The following PRKAG2 variants were observed in gnomAD, a reference collection of about 807,000 sequenced individuals.
The protein encoded by PRKAG2 is protein kinase AMP-activated non-catalytic subunit gamma 2, also known as 5'-AMP-activated protein kinase subunit gamma-2.
PRKAG2 carries 26 observed loss-of-function variants against 69.6 expected under a neutral mutation model. That is an observed-to-expected ratio of 0.37 (90% CI 0.27 to 0.52). The LOEUF (loss-of-function observed/expected upper bound fraction) is 0.52, where lower values mean the gene tolerates loss of function less well. Among genes scored for constraint, PRKAG2 ranks in the 20% least tolerant of loss-of-function variants. The pLI is 0.90. For synonymous variants in PRKAG2, 293 were observed against 285.0 expected, an observed-to-expected ratio of 1.03 and a Z score of -0.28; for missense variants, 557 against 740.0, an observed-to-expected ratio of 0.75 and a Z score of 2.87.
intron 3 of PRKAG2, among the ~76,000 whole-genome samples, chr7:151,703,896 AC>A (rs1181652823): frequency 1.5e-5 from 2 of 137,842 alleles, no homozygotes; most frequent in East Asian, 2.2e-4. Context: ...ACACACACAC[AC>A]ACACACACAC....
At chr7:151,729,079 C>T (rs1798476922) in intron 3 of PRKAG2, among the ~76,000 whole-genome samples, 2 of 151,386 alleles carry the variant, frequency 1.3e-5, no homozygotes, top group Admixed American at 1.3e-4. Flanking sequence ...TCCAGGGTTC[C>T]ACCAGGCAGC....
chr7:151,627,612 C>T (rs1319248510), intron 5 of PRKAG2, among the ~76,000 whole-genome samples: 2 of 152,016 alleles, frequency 1.3e-5, no homozygotes, highest in African/African-American at 4.8e-5. Context: ...GGCAACAGAG[C>T]GAGACAAAAA....
chr7:151,731,679 G>A (rs1435564177), intron 3 of PRKAG2, among the ~76,000 whole-genome samples: 1 of 152,148 alleles, frequency 6.6e-6, no homozygotes, highest in Non-Finnish European at 1.5e-5. Context: ...CGTGGTTCCT[G>A]GAAAAGACTG....
At chr7:151,793,319 G>T (rs376583404) in intron 1 of PRKAG2, among the ~76,000 whole-genome samples, 1 of 152,190 alleles carries the variant, frequency 6.6e-6, no homozygotes, top group East Asian at 1.9e-4. Flanking sequence ...CCTTCACAAC[G>T]CTATCTAGGT....
At chr7:151,760,529 G>A (rs1157542950) in intron 3 of PRKAG2, among the ~76,000 whole-genome samples, 2 of 152,182 alleles carry the variant, frequency 1.3e-5, no homozygotes, top group African/African-American at 4.8e-5. Context: ...ATGAGCCACT[G>A]CACCCAGCTG....
intron 4 of PRKAG2, among the ~76,000 whole-genome samples, chr7:151,636,484 T>C (rs778198294): frequency 3.8e-4 from 58 of 152,312 alleles, no homozygotes; most frequent in Non-Finnish European, 6.9e-4. Flanking sequence ...CAGCACTTCA[T>C]TTCTGTTGAC....
intron 3 of PRKAG2, among the ~76,000 whole-genome samples, chr7:151,753,763 G>C (rs2074872492): frequency 1.3e-5 from 2 of 152,134 alleles, no homozygotes; most frequent in African/African-American, 4.8e-5. Flanking sequence ...AGGCTGAGCA[G>C]TGGCTTGTGC....
chr7:151,747,884 GA>G (rs1316977967), intron 3 of PRKAG2, among the ~76,000 whole-genome samples: 1 of 147,818 alleles, frequency 6.8e-6, no homozygotes, highest in Admixed American at 6.8e-5. Context: ...CTAAGGGGGT[GA>G]AAATCACCTC....
chr7:151,710,552 G>A (rs555837902), intron 3 of PRKAG2, among the ~76,000 whole-genome samples: 2 of 152,300 alleles, frequency 1.3e-5, no homozygotes, highest in South Asian at 2.1e-4. Context: ...TGCATGTGCT[G>A]TTCTCCCCTC....
intron 5 of PRKAG2, among the ~76,000 whole-genome samples, chr7:151,606,212 G>A (rs2151192987): frequency 6.6e-6 from 1 of 152,290 alleles, no homozygotes; most frequent in South Asian, 2.1e-4. Context: ...TTTCTGTTGA[G>A]TGGGAATAAG....
intron 8 of PRKAG2, 120 bp downstream of exon 8, chr7:151,574,771 C>T: frequency 2.1e-6 from 3 of 1,436,664 alleles, no homozygotes; most frequent in South Asian, 2.6e-5. Context: ...ACCATCAGCA[C>T]ACCATACCAA....
intron 1 of PRKAG2, among the ~76,000 whole-genome samples, chr7:151,819,664 A>G (rs937430805): frequency 6.6e-6 from 1 of 152,200 alleles, no homozygotes; most frequent in Admixed American, 6.5e-5. Context: ...AACCCCCGCA[A>G]AGGATAACAG....
At chr7:151,682,833 C>A (rs7780035) in intron 3 of PRKAG2, among the ~76,000 whole-genome samples, 52,329 of 149,754 alleles carry the variant, frequency 0.35, 9,311 homozygotes, top group Middle Eastern at 0.39. Flanking sequence ...GGGGGTGGGA[C>A]GGTGGCTCAG....
Position 151,556,282 on chromosome 7 carries a change from G to T in PRKAG2, c.*919C>A, listed in dbSNP as rs1803778277. 1 of 152,236 alleles carries T rather than the reference G, an allele frequency of 6.6e-6. No homozygotes were observed. Among genetic ancestry groups the T allele is most frequent in the Non-Finnish European group, 1.5e-5 (1 of 68,024 alleles). 9.4% of individuals were successfully genotyped at this position (152,236 alleles called of 1,614,324 possible). ...TTCTCTTCAACTGTATGACAATACT[G>T]TATATGCCACAATAAAATTTACAAA... On this transcript the variant is annotated 3_prime_UTR_variant, in exon 16 of 16. Transcript: ENST00000287878.
intron 5 of PRKAG2, among the ~76,000 whole-genome samples, chr7:151,629,232 T>C (rs1585344145): frequency 6.6e-6 from 1 of 152,266 alleles, no homozygotes; most frequent in East Asian, 1.9e-4. Flanking sequence ...TCTGACCCTT[T>C]ACAGAAAAAG....
intron 3 of PRKAG2, among the ~76,000 whole-genome samples, chr7:151,758,868 CT>C (rs2075252855): frequency 6.6e-6 from 1 of 152,180 alleles, no homozygotes; most frequent in Non-Finnish European, 1.5e-5. Flanking sequence ...TCCAGTAAGG[CT>C]TTCTGTAGCG....
At chr7:151,851,626 A>G (rs2079570923) in intron 1 of PRKAG2, among the ~76,000 whole-genome samples, 1 of 152,066 alleles carries the variant, frequency 6.6e-6, no homozygotes, top group Admixed American at 6.5e-5. Context: ...TTTCATTATC[A>G]TTGTCAAACC....
intron 4 of PRKAG2, among the ~76,000 whole-genome samples, chr7:151,659,703 G>T (rs551728331): frequency 6.6e-6 from 1 of 152,314 alleles, no homozygotes; most frequent in Non-Finnish European, 1.5e-5. Context: ...ATCTATAGAC[G>T]TGTGTCTTGG....
At chr7:151,849,400 G>A (rs555796317) in intron 1 of PRKAG2, among the ~76,000 whole-genome samples, 12 of 152,294 alleles carry the variant, frequency 7.9e-5, no homozygotes, top group South Asian at 4.2e-4. Context: ...AAGAATCTCC[G>A]TGCCTCAGTT....
Sources: allele counts gnomAD v4.1 joint callset (sites outside exome capture counted in the v4.1 genomes callset), GRCh38; gene constraint gnomAD v4.1.1; transcripts MANE v1.5; gene names NCBI Gene and HGNC (gene_info 2026-07-23, HGNC 2026-07-21).